MTUS2: variants seen among roughly 807,000 people sequenced by gnomAD.
MTUS2 encodes microtubule-associated tumor suppressor candidate 2.
In MTUS2, 40 loss-of-function variants were observed where a neutral mutation model predicts 114.1. The ratio of observed to expected loss-of-function variants is 0.35; its 90% CI spans 0.27 to 0.46. MTUS2 has a LOEUF of 0.46. Ranked by LOEUF, MTUS2 falls within the 20% of genes least tolerant of loss-of-function variation. MTUS2 has a pLI of 1.00. For missense variants in MTUS2, 1,679 were observed against 1,705.4 expected, an observed-to-expected ratio of 0.98 and a Z score of 0.27; for synonymous variants, 688 against 672.0, an observed-to-expected ratio of 1.02 and a Z score of -0.37.
chr13:29,377,553 A>G (rs904144288), intron 8 of MTUS2, among the ~76,000 whole-genome samples: 31 of 152,210 alleles, frequency 2.0e-4, no homozygotes, highest in Admixed American at 1.4e-3. Context: ...TTTGAGGAAA[A>G]TTAGAAAATA....
chr13:29,060,225 G>A (rs1888346111), intron 4 of MTUS2, among the ~76,000 whole-genome samples: 2 of 152,208 alleles, frequency 1.3e-5, no homozygotes, highest in South Asian at 2.1e-4. Flanking sequence ...AAGGCTTGTG[G>A]TGGTCCCCTT....
intron 11 of MTUS2, among the ~76,000 whole-genome samples, chr13:29,490,985 ATG>A (rs71090259): frequency 7.5e-4 from 111 of 148,338 alleles, no homozygotes; most frequent in African/African-American, 2.3e-3. Flanking sequence ...AGAAGTGTGG[ATG>A]TGTGTGTGTG....
At chr13:29,195,937 T>G (rs1029856995) in intron 5 of MTUS2, among the ~76,000 whole-genome samples, 2 of 152,110 alleles carry the variant, frequency 1.3e-5, no homozygotes, top group African/African-American at 4.8e-5. Flanking sequence ...CTGTGGAGCC[T>G]GAAGCAGGGA....
rs148515680 is a variant in MTUS2 at position 29,117,889 on chromosome 13, A to C, written c.2644+16919A>C. Among the ~76,000 whole-genome samples the C allele has an allele frequency of 1.8e-4, 27 of 152,222 alleles. No individual in the cohort carries two copies. The East Asian group carries it at 5.0e-3, about 28-fold the overall frequency. On this transcript the variant is annotated intron_variant, in intron 5 of 15. Transcript: ENST00000612955. Reference sequence around the variant, plus strand: ...ACAGGAGACTTCTGTTGCCACTTGGAAGATTTGTTAATGAAGGAAATGAGC... The same window carrying C: ...ACAGGAGACTTCTGTTGCCACTTGGCAGATTTGTTAATGAAGGAAATGAGC...
At chr13:29,107,688 G>A (rs562620429) in intron 5 of MTUS2, among the ~76,000 whole-genome samples, 1 of 152,124 alleles carries the variant, frequency 6.6e-6, no homozygotes, top group African/African-American at 2.4e-5. Context: ...TATCTCCTTG[G>A]ATATACTTAA....
rs969527604 is a variant in MTUS2, at chr13:29,025,905, T to A, written c.1207T>A (p.Leu403Ile). ...CACCCCCAAACAGGGCTCTGCTTCC[T>A]TAGGAGGGGCTGATAATCAGCCCAC... is the stretch of plus-strand genomic sequence containing the variant. ...HTTPKQGSAS[L>I]GGADNQPTGK... is the part of the protein sequence containing the mutation. The change falls in exon 3 of 16, where the codon TTA (leucine) becomes ATA (isoleucine). Residue 403 changes from leucine to isoleucine, a missense_variant. Leu to Ile is a conservative substitution (Grantham distance 5). Coordinates refer to ENST00000612955, the MANE Select transcript of MTUS2 (RefSeq NM_001033602.4). 1.5e-5 allele frequency: 24 copies of A among 1,613,536 alleles called. No individual in the cohort carries two copies. In the Admixed American group the frequency reaches 4.0e-4, roughly 27 times the overall value.
intron 4 of MTUS2, among the ~76,000 whole-genome samples, chr13:29,069,750 T>G (rs1190225076): frequency 6.6e-6 from 1 of 152,242 alleles, no homozygotes; most frequent in Non-Finnish European, 1.5e-5. Flanking sequence ...GAGATTTAGC[T>G]GAAGCGTATG....
intron 2 of MTUS2, among the ~76,000 whole-genome samples, chr13:28,924,460 G>T (rs966231348): frequency 2.6e-5 from 4 of 152,218 alleles, no homozygotes; most frequent in Admixed American, 2.6e-4. Context: ...GAGTACAGAT[G>T]TACAGTGCTC....
At chr13:29,135,082 G>A (rs1473264693) in intron 5 of MTUS2, among the ~76,000 whole-genome samples, 1 of 152,100 alleles carries the variant, frequency 6.6e-6, no homozygotes, top group African/African-American at 2.4e-5. Flanking sequence ...TCTGAATAGC[G>A]CAGTGAAATC....
At chr13:29,198,150 A>G (rs1466547656) in intron 5 of MTUS2, among the ~76,000 whole-genome samples, 3 of 152,164 alleles carry the variant, frequency 2.0e-5, no homozygotes, top group African/African-American at 2.4e-5. Flanking sequence ...GCCCATGCCT[A>G]TGTCCTGAAT....
intron 2 of MTUS2, among the ~76,000 whole-genome samples, chr13:28,942,717 A>G (rs142382292): frequency 1.5e-3 from 227 of 152,336 alleles, no homozygotes; most frequent in Non-Finnish European, 2.7e-3. Context: ...AATGTAGTAT[A>G]TGATTTCAGT....
At chr13:29,203,851 C>T (rs1895068939) in intron 5 of MTUS2, among the ~76,000 whole-genome samples, 2 of 152,176 alleles carry the variant, frequency 1.3e-5, no homozygotes. Flanking sequence ...CCATGGGCTG[C>T]ATCCAGTGTC....
In MTUS2 at chr13:29,024,889, A is replaced by G; in HGVS notation, c.191A>G (p.Asn64Ser). ...CTGGGAGATGAAATTGGAAATACAA[A>G]TTCAAGTGAGCCAGAAAACCGTACC... ...CDLGDEIGNTNSSEPENRTHF... is the reference protein window; with the variant it reads ...CDLGDEIGNTSSSEPENRTHF... Residue 64 changes from asparagine (N) to serine (S), a missense_variant, in exon 3 of 16, where the codon AAT becomes AGT. Around this residue, in one of 3 missense-constraint regions of MTUS2, gnomAD observed 843 missense variants for 770.8 expected, o/e 1.09. Transcript: ENST00000612955. 1.2e-6 allele frequency: 2 copies of G among 1,613,976 alleles called. No individual in the cohort carries two copies. Among genetic ancestry groups the G allele is most frequent in the Non-Finnish European group, 1.7e-6 (2 of 1,179,876 alleles).
chr13:29,487,854 C>T (rs1361160734), intron 10 of MTUS2, 46 bp from the exon 11 acceptor site: 1 of 1,448,004 alleles, frequency 6.9e-7, no homozygotes, highest in Non-Finnish European at 9.7e-7. Context: ...CACTTCTGTT[C>T]TCCAAGCAGC....
chr13:29,479,946 C>T, intron 9 of MTUS2: 1 of 498,026 alleles, frequency 2.0e-6, no homozygotes, highest in Non-Finnish European at 3.5e-6. Flanking sequence ...CTCCATGAGG[C>T]TGCAGCTTCT....
chr13:29,286,678 C>CTATCTATCTATCTATA (rs143106222), intron 6 of MTUS2, among the ~76,000 whole-genome samples: 6,672 of 150,982 alleles, frequency 0.044, 460 homozygotes, highest in East Asian at 0.31. Context: ...GTCTGTCTAT[C>CTATCTATCTATCTATA]TATCTATCTA....
intron 2 of MTUS2, among the ~76,000 whole-genome samples, chr13:28,995,141 C>T (rs962116936): frequency 6.6e-6 from 1 of 152,194 alleles, no homozygotes; most frequent in African/African-American, 2.4e-5. Context: ...TTCCCAGCAC[C>T]ATTTATTAAA....
chr13:29,278,543 C>T (rs1898151303), intron 5 of MTUS2, among the ~76,000 whole-genome samples: 1 of 152,154 alleles, frequency 6.6e-6, no homozygotes. Flanking sequence ...AGCCTCGCCA[C>T]CTGTCAGAAA....
rs564165501 is a variant in MTUS2, at chr13:29,005,767, C to T, written c.-242-18690C>T. ...CCTGCTTCTTCCTCACAAAAAGTAACCTGGTATTGTTAACCTAGGACATAG... is the reference window on the plus strand; with the variant it reads ...CCTGCTTCTTCCTCACAAAAAGTAATCTGGTATTGTTAACCTAGGACATAG... On this transcript the variant is annotated intron_variant, in intron 2 of 15. Coordinates refer to ENST00000612955, the MANE Select transcript of MTUS2 (RefSeq NM_001033602.4). Among the ~76,000 whole-genome samples, 24 of 152,286 alleles carry T rather than the reference C, an allele frequency of 1.6e-4. No homozygotes were observed. The East Asian group carries it at 4.2e-3, about 27-fold the overall frequency.
Sources: allele counts gnomAD v4.1 joint callset (sites outside exome capture counted in the v4.1 genomes callset), GRCh38; gene constraint gnomAD v4.1.1; regional missense constraint gnomAD v4.1.1; transcripts MANE v1.5; gene names NCBI Gene and HGNC (gene_info 2026-07-23, HGNC 2026-07-21).